The following PTK2B variants were observed in gnomAD, a reference collection of about 807,000 sequenced individuals.
PTK2B encodes the protein protein-tyrosine kinase 2-beta.
A neutral mutation model predicts 142.9 loss-of-function variants in PTK2B; 71 were observed. That is an observed-to-expected ratio of 0.50 (90% CI 0.41 to 0.61). The LOEUF (loss-of-function observed/expected upper bound fraction) is 0.61, where lower values mean the gene tolerates loss of function less well. PTK2B is among the 20% of genes least tolerant of loss of function. The pLI is 0.00. For synonymous variants in PTK2B, 519 were observed against 503.4 expected, an observed-to-expected ratio of 1.03 and a Z score of -0.42; for missense variants, 1,105 against 1,320.4, an observed-to-expected ratio of 0.84 and a Z score of 2.53.
At chr8:27,319,120 T>C (rs992612431) in intron 3 of PTK2B, among the ~76,000 whole-genome samples, 6 of 152,216 alleles carry the variant, frequency 3.9e-5, no homozygotes, top group African/African-American at 1.4e-4. Flanking sequence ...TGTGGAAAGA[T>C]CTTATTTTGT....
In PTK2B at chr8:27,410,980, C is replaced by T. The variant is rs555970806; in HGVS notation, c.205-8915C>T. On this transcript the variant is annotated intron_variant, in intron 2 of 30. Transcript: ENST00000346049. ...AACCAGGCTGTGAGCCATGGGCAGT[C>T]GGAGAGCCTGGAAGCCCTCCTGTGG... 2.6e-4 allele frequency among the ~76,000 whole-genome samples: 39 copies of T among 152,320 alleles called. No homozygotes were observed. In the South Asian group the frequency reaches 5.8e-3, roughly 23 times the overall value.
intron 2 of PTK2B, among the ~76,000 whole-genome samples, chr8:27,416,937 TA>T (rs1416333594): frequency 6.6e-6 from 1 of 152,180 alleles, no homozygotes; most frequent in Non-Finnish European, 1.5e-5. Context: ...TGGCTAATAT[TA>T]AAAAGACTGA....
chr8:27,337,668 T>C (rs2129873568), intron 1 of PTK2B, among the ~76,000 whole-genome samples: 1 of 152,360 alleles, frequency 6.6e-6, no homozygotes, highest in Non-Finnish European at 1.5e-5. Context: ...ACTTCCTCCA[T>C]GTTGTAACAT....
At chr8:27,405,069 T>TCTC (rs1470616137) in intron 2 of PTK2B, among the ~76,000 whole-genome samples, 5 of 144,012 alleles carry the variant, frequency 3.5e-5, no homozygotes, top group Non-Finnish European at 6.1e-5. Context: ...TCTCTCTCTC[T>TCTC]TAGCCATGTG....
chr8:27,378,798 G>A (rs911612408), intron 1 of PTK2B, among the ~76,000 whole-genome samples: 1 of 152,082 alleles, frequency 6.6e-6, no homozygotes, highest in Non-Finnish European at 1.5e-5. Context: ...GTGGAGCTAG[G>A]GGAGAGCAGC....
chr8:27,409,327 C>G (rs1233660370), intron 2 of PTK2B, among the ~76,000 whole-genome samples: 1 of 152,028 alleles, frequency 6.6e-6, no homozygotes, highest in East Asian at 1.9e-4. Context: ...GAAGGCTTCC[C>G]AGGGGCCCTC....
chr8:27,384,523 C>T (rs1415850790), intron 1 of PTK2B, among the ~76,000 whole-genome samples: 4 of 152,122 alleles, frequency 2.6e-5, no homozygotes, highest in African/African-American at 9.7e-5. Flanking sequence ...CTTTCTCTTG[C>T]CTAATTGCAC....
Position 27,437,507 on chromosome 8 carries a change from G to A in PTK2B, c.1527+11G>A, listed in dbSNP as rs1219868126. ...TATCCCTATGGGGAGGTGAGCTGGA[G>A]GACCCTGCGATGACAACTGGGCTGC... On this transcript the variant is annotated intron_variant, in intron 17 of 30. Coordinates refer to ENST00000346049, the MANE Select transcript of PTK2B (RefSeq NM_173176.3). The A allele has an allele frequency of 1.3e-6, 2 of 1,587,916 alleles. No individual in the cohort carries two copies. The highest frequency in any genetic ancestry group is 2.7e-5 in the African/African-American group (2 of 74,214).
At chr8:27,333,524 T>C (rs1475080944) in intron 1 of PTK2B, among the ~76,000 whole-genome samples, 1 of 152,202 alleles carries the variant, frequency 6.6e-6, no homozygotes, top group African/African-American at 2.4e-5. Flanking sequence ...TTTGCGGTCC[T>C]GTGGAGCATG....
intron 29 of PTK2B, 33 bp downstream of exon 29, chr8:27,454,324 C>T (rs143119691): frequency 1.1e-4 from 176 of 1,600,680 alleles, no homozygotes; most frequent in Non-Finnish European, 1.4e-4. Flanking sequence ...GAGGTGGAGG[C>T]GGCTCAAGTC....
At chr8:27,325,184 G>A (rs1318313916), upstream of PTK2B, among the ~76,000 whole-genome samples, 1 of 152,208 alleles carries the variant, frequency 6.6e-6, no homozygotes. Flanking sequence ...GGGAGAACCA[G>A]CCTGAGAAGT....
chr8:27,453,894 C>T (rs1234360492), intron 28 of PTK2B: 1 of 451,908 alleles, frequency 2.2e-6, no homozygotes, highest in Non-Finnish European at 3.9e-6. Flanking sequence ...AAAAGCCTGC[C>T]TGCACCCTAT....
intron 24 of PTK2B, among the ~76,000 whole-genome samples, chr8:27,446,771 T>G: frequency 6.6e-6 from 1 of 152,224 alleles, no homozygotes; most frequent in East Asian, 1.9e-4. Flanking sequence ...TCATAATATA[T>G]TTGGAAGATG....
intron 1 of PTK2B, among the ~76,000 whole-genome samples, chr8:27,338,578 T>C (rs1033699684): frequency 3.9e-5 from 6 of 152,212 alleles, no homozygotes; most frequent in Admixed American, 2.0e-4. Flanking sequence ...GAAAAATTGC[T>C]GAATCTATAT....
At chr8:27,348,761 C>T (rs1306665231) in intron 1 of PTK2B, among the ~76,000 whole-genome samples, 1 of 152,022 alleles carries the variant, frequency 6.6e-6, no homozygotes, top group East Asian at 1.9e-4. Flanking sequence ...GGCCGGATCT[C>T]TCTGCTTGCA....
At chr8:27,382,106 C>A (rs1476510728) in intron 1 of PTK2B, among the ~76,000 whole-genome samples, 2 of 152,080 alleles carry the variant, frequency 1.3e-5, no homozygotes, top group Non-Finnish European at 2.9e-5. Flanking sequence ...CACCACCATG[C>A]CCAGCTAATT....
intron 1 of PTK2B, among the ~76,000 whole-genome samples, chr8:27,389,123 G>C (rs116975318): frequency 3.9e-5 from 6 of 152,120 alleles, no homozygotes; most frequent in Non-Finnish European, 4.4e-5. Flanking sequence ...CTGTTTTTGT[G>C]TGTTTTGTTC....
At position 27,397,778 on chromosome 8, in the gene PTK2B, C is replaced by T. The variant is rs150796343; in HGVS notation, c.194C>T (p.Thr65Met). 2.6e-4 allele frequency: 425 copies of T among 1,614,114 alleles called. 6 individuals are homozygous for T. The South Asian group carries it at 3.0e-3, about 11-fold the overall frequency. ...AAACTGGTCAAATGCACTGTCCAGA[C>T]GGAGATCCGGGTAAGTGTGAAGTGT... ...NFKLVKCTVQTEIREIITSIL... is the reference protein window; with the variant it reads ...NFKLVKCTVQMEIREIITSIL... Residue 65 changes from threonine to methionine, a missense_variant, in exon 2 of 31, where the codon ACG (threonine) becomes ATG (methionine). Thr to Met is a moderately conservative substitution (Grantham distance 81). Coordinates refer to ENST00000346049, the MANE Select transcript of PTK2B (RefSeq NM_173176.3).
At position 27,458,623 on chromosome 8, in the gene PTK2B, C is replaced by T; in HGVS notation, c.*114C>T. 1 of 1,116,412 alleles carries T rather than the reference C, an allele frequency of 9.0e-7. No individual in the cohort carries two copies. Among genetic ancestry groups the T allele is most frequent in the South Asian group, 1.5e-5 (1 of 67,194 alleles). The allele number at this position is 1,116,412 out of a possible 1,614,324, so 69.2% of individuals were successfully genotyped here. A position where few individuals can be genotyped will look rare whatever the true frequency, so the allele number is the denominator to read the frequency against. ...GGGGAAGGCCAAGGGGAGTCACCTTCCCTTGCCACTTTGCACGACGCCCTC... is the reference window on the plus strand; with the variant it reads ...GGGGAAGGCCAAGGGGAGTCACCTTTCCTTGCCACTTTGCACGACGCCCTC... On this transcript the variant is annotated 3_prime_UTR_variant, in exon 31 of 31. Coordinates refer to ENST00000346049, the MANE Select transcript of PTK2B (RefSeq NM_173176.3).
Sources: allele counts gnomAD v4.1 joint callset (sites outside exome capture counted in the v4.1 genomes callset), GRCh38; gene constraint gnomAD v4.1.1; transcripts MANE v1.5; gene names NCBI Gene and HGNC (gene_info 2026-07-23, HGNC 2026-07-21).